The following TPST1 variants were observed in gnomAD, a reference collection of about 807,000 sequenced individuals.
TPST1 encodes the protein protein-tyrosine sulfotransferase 1.
Under a neutral mutation model 34.8 loss-of-function variants are expected in TPST1, and 20 were observed. That is an observed-to-expected ratio of 0.57 (90% confidence interval 0.40 to 0.84). The LOEUF is 0.84. Ranked by LOEUF, TPST1 falls within the 40% of genes least tolerant of loss-of-function variation. The pLI, the probability that TPST1 is intolerant of heterozygous loss-of-function variation, is 0.00. For synonymous variants in TPST1, 152 were observed against 159.4 expected (o/e 0.95, Z 0.35); for missense variants, 353 against 455.5 (o/e 0.78, Z 2.05).
intron 1 of TPST1, among the ~76,000 whole-genome samples, chr7:66,238,450 A>G (rs1789957544): frequency 7.1e-6 from 1 of 141,394 alleles, no homozygotes; most frequent in Admixed American, 7.2e-5. Context: ...TAACTTAACC[A>G]CTCAGTCAGT....
chr7:66,232,272 G>A (rs1789814294), intron 1 of TPST1, among the ~76,000 whole-genome samples: 2 of 136,674 alleles, frequency 1.5e-5, no homozygotes, highest in South Asian at 2.3e-4. Flanking sequence ...GTGTGATTAT[G>A]GCTCACTGTA....
chr7:66,262,794 T>G (rs1265799750), intron 2 of TPST1, among the ~76,000 whole-genome samples: 1 of 152,168 alleles, frequency 6.6e-6, no homozygotes, highest in Admixed American at 6.5e-5. Context: ...TGTTGGGAGA[T>G]ATTTTAAAAA....
At chr7:66,327,980 GTTTTTTTTTCTTTC>G (rs1165396604) in intron 3 of TPST1, among the ~76,000 whole-genome samples, 1 of 48,724 alleles carries the variant, frequency 2.1e-5, no homozygotes, top group Non-Finnish European at 4.7e-5. Flanking sequence ...TGTTTTTGGT[GTTTTTTTTTCTTTC>G]TTTTTTTTTT....
At chr7:66,251,373 G>A (rs940246769) in intron 2 of TPST1, among the ~76,000 whole-genome samples, 1 of 152,110 alleles carries the variant, frequency 6.6e-6, no homozygotes, top group Non-Finnish European at 1.5e-5. Context: ...GTTCAAAGTG[G>A]TACTTATTAG....
chr7:66,310,316 A>C (rs1010813373), intron 3 of TPST1, among the ~76,000 whole-genome samples: 2 of 152,234 alleles, frequency 1.3e-5, no homozygotes, highest in Non-Finnish European at 2.9e-5. Flanking sequence ...GCCCTGCTGC[A>C]GCCACTTTGT....
At chr7:66,357,105 C>T (rs747363420) in intron 5 of TPST1, among the ~76,000 whole-genome samples, 5 of 152,212 alleles carry the variant, frequency 3.3e-5, no homozygotes, top group Admixed American at 2.0e-4. Flanking sequence ...AATTAATCAT[C>T]ATCCAAGAGC....
chr7:66,279,627 T>A (rs1790892523), intron 2 of TPST1, among the ~76,000 whole-genome samples: 1 of 152,236 alleles, frequency 6.6e-6, no homozygotes, highest in Non-Finnish European at 1.5e-5. Flanking sequence ...TATTTTCTAA[T>A]AACAGCTCAT....
intron 3 of TPST1, among the ~76,000 whole-genome samples, chr7:66,318,447 T>C (rs559316744): frequency 1.7e-4 from 26 of 152,270 alleles, no homozygotes; most frequent in African/African-American, 6.3e-4. Flanking sequence ...TTTCCTTTTT[T>C]TTCCCCCAAG....
chr7:66,231,094 G>T (rs1382454890), intron 1 of TPST1, among the ~76,000 whole-genome samples: 1 of 151,986 alleles, frequency 6.6e-6, no homozygotes, highest in Non-Finnish European at 1.5e-5. Context: ...AGACATAAAG[G>T]TTCTCCAAGG....
chr7:66,358,840 A>G (rs538847836), intron 5 of TPST1, among the ~76,000 whole-genome samples: 1 of 152,264 alleles, frequency 6.6e-6, no homozygotes, highest in East Asian at 1.9e-4. Context: ...ACAAGGCCTC[A>G]TTTCTTTACC....
At chr7:66,301,506 C>A (rs1029526596) in intron 3 of TPST1, among the ~76,000 whole-genome samples, 2 of 152,230 alleles carry the variant, frequency 1.3e-5, no homozygotes, top group South Asian at 4.1e-4. Context: ...TTTCAACATA[C>A]CTTCCTCACT....
chr7:66,221,210 G>A (rs894837115), intron 1 of TPST1, among the ~76,000 whole-genome samples: 1 of 152,038 alleles, frequency 6.6e-6, no homozygotes, highest in African/African-American at 2.4e-5. Context: ...AGACCATTTA[G>A]GAGGCTGTGG....
At chr7:66,251,625 G>T (rs145069546) in intron 2 of TPST1, among the ~76,000 whole-genome samples, 74 of 152,330 alleles carry the variant, frequency 4.9e-4, no homozygotes, top group African/African-American at 1.6e-3. Flanking sequence ...AACATGGCAG[G>T]TTGGGAATGC....
At chr7:66,312,117 C>T (rs1189597180) in intron 3 of TPST1, among the ~76,000 whole-genome samples, 2 of 152,202 alleles carry the variant, frequency 1.3e-5, no homozygotes, top group Non-Finnish European at 2.9e-5. Flanking sequence ...TCATGCCATT[C>T]AGAATTTCGT....
At chr7:66,255,524 G>A (rs1173349019) in intron 2 of TPST1, among the ~76,000 whole-genome samples, 4 of 152,010 alleles carry the variant, frequency 2.6e-5, no homozygotes, top group Non-Finnish European at 5.9e-5. Context: ...CCCAACTTCT[G>A]CTGAATTATT....
chr7:66,350,580 T>C (rs1792457015), intron 3 of TPST1, among the ~76,000 whole-genome samples: 1 of 151,486 alleles, frequency 6.6e-6, no homozygotes, highest in Non-Finnish European at 1.5e-5. Flanking sequence ...GAAAAAAAAG[T>C]GTGTTCATTC....
chr7:66,356,040 TAAAA>T (rs78467238), intron 4 of TPST1, among the ~76,000 whole-genome samples: 1 of 151,682 alleles, frequency 6.6e-6, no homozygotes, highest in South Asian at 2.1e-4. Flanking sequence ...CCTTGTCTAT[TAAAA>T]AAAGAAACAA....
Position 66,240,755 on chromosome 7 carries a change from G to A in TPST1, c.330G>A (p.Leu110=), listed in dbSNP as rs771691842. 4.3e-5 allele frequency: 70 copies of A among 1,614,110 alleles called. 1 individual carries two copies. In the South Asian group the frequency reaches 7.2e-4, roughly 17 times the overall value. Reference sequence around the variant, plus strand: ...GGGTCATTCCCCGAATCCTGGCCCTGAAGCAGATGTGGTCACGGTCAAGTA... The same window carrying A: ...GGGTCATTCCCCGAATCCTGGCCCTAAAGCAGATGTGGTCACGGTCAAGTA... ...ETRVIPRILA[L]KQMWSRSSKE... The change falls in exon 2 of 6, where the codon CTG becomes CTA. Residue 110 remains leucine, a synonymous_variant. Transcript: ENST00000304842.
intron 1 of TPST1, among the ~76,000 whole-genome samples, chr7:66,211,295 C>A: frequency 6.6e-6 from 1 of 152,194 alleles, no homozygotes; most frequent in Admixed American, 6.5e-5. Context: ...CCACTACGCC[C>A]AGCTAATTTT....
Sources: gnomAD v4.1 joint callset for allele counts (sites outside exome capture counted in the v4.1 genomes callset) on GRCh38, gnomAD v4.1.1 for gene constraint, MANE v1.5 for transcripts, NCBI Gene and HGNC (gene_info 2026-07-23, HGNC 2026-07-21) for gene names.